The following COX6C variants were observed in gnomAD, a reference collection of about 807,000 sequenced individuals.
COX6C encodes the protein cytochrome c oxidase subunit 6C, also known as cytochrome c oxidase polypeptide VIc.
In COX6C, 3 loss-of-function variants were observed where a neutral mutation model predicts 6.9. That is an observed-to-expected ratio of 0.43 (90% CI 0.20 to 1.12). The LOEUF (loss-of-function observed/expected upper bound fraction) is 1.12, where lower values mean the gene tolerates loss of function less well. Ranked by LOEUF, COX6C falls within the 50% of genes most tolerant of loss-of-function variation. The probability of loss-of-function intolerance (pLI) is 0.27; values close to 1 mark genes in which losing one functional copy is unlikely to be tolerated. For synonymous variants in COX6C, 32 were observed against 32.0 expected, an observed-to-expected ratio of 1.00 and a Z score of 0.00; for missense variants, 101 against 97.3, an observed-to-expected ratio of 1.04 and a Z score of -0.16.
chr8:99,878,412 T>C (rs558598084), intron 3 of COX6C, 147 bp from the exon 4 acceptor site: 7 of 152,410 alleles, frequency 4.6e-5, no homozygotes, highest in Non-Finnish European at 1.0e-4. Flanking sequence ...CAGTTCAGGC[T>C]ACCTGGACTC....
intron 3 of COX6C, among the ~76,000 whole-genome samples, chr8:99,879,686 C>G (rs922737522): frequency 5.1e-4 from 77 of 152,282 alleles, no homozygotes; most frequent in African/African-American, 1.8e-3. Flanking sequence ...ATGCCCTCCT[C>G]AGTACAATAG....
chr8:99,892,732 G>C (rs904193254), intron 1 of COX6C, among the ~76,000 whole-genome samples: 1 of 150,330 alleles, frequency 6.7e-6, no homozygotes, highest in African/African-American at 2.5e-5. Flanking sequence ...GACAAACTGC[G>C]GCACACTAGT....
chr8:99,887,785 G>T (rs1160334377), intron 2 of COX6C, among the ~76,000 whole-genome samples, 167 bp from the exon 3 acceptor site: 2 of 152,102 alleles, frequency 1.3e-5, no homozygotes, highest in African/African-American at 4.8e-5. Context: ...GGAAGACAAA[G>T]TCTAAGAAAC....
chr8:99,888,116 A>T (rs1038062984), intron 2 of COX6C, among the ~76,000 whole-genome samples: 11 of 150,634 alleles, frequency 7.3e-5, no homozygotes, highest in Admixed American at 2.0e-4. Context: ...AAAAAAAAAT[A>T]AAAAATAAAA....
chr8:99,886,069 AC>A (rs1817938793), intron 3 of COX6C: 4 of 152,254 alleles, frequency 2.6e-5, no homozygotes, highest in Admixed American at 2.6e-4. Flanking sequence ...ACCACCTCAT[AC>A]CTATTAGGAT....
chr8:99,884,084 C>A (rs901965403), intron 3 of COX6C, among the ~76,000 whole-genome samples: 2 of 152,112 alleles, frequency 1.3e-5, no homozygotes, highest in African/African-American at 2.4e-5. Flanking sequence ...TAGAACCAGA[C>A]AAGGATGCCC....
At chr8:99,888,442 G>C (rs974000817) in intron 2 of COX6C, among the ~76,000 whole-genome samples, 4 of 151,790 alleles carry the variant, frequency 2.6e-5, no homozygotes, top group African/African-American at 9.7e-5. Context: ...ATGGTGGTGG[G>C]CACCTGTAAT....
At chr8:99,887,387 T>C in intron 3 of COX6C, 103 bp downstream of exon 3, 1 of 588,852 alleles carries the variant, frequency 1.7e-6, no homozygotes, top group East Asian at 3.2e-5. Context: ...CATCGTAAAG[T>C]CAAAAAATCT....
rs1489948999 is a variant in COX6C at position 99,892,120 on chromosome 8, CTG to C, written c.-31-70_-31-69del. On this transcript the variant is annotated intron_variant, in intron 1 of 3. Coordinates refer to ENST00000520468, the MANE Select transcript of COX6C (RefSeq NM_004374.4). ...AAGCCACAAACTTGAGAATGGCCAC[CTG>C]GAAGCATTGATTGGAGCTGCCCTGA... 3 of 824,312 alleles carry C rather than the reference CTG, an allele frequency of 3.6e-6. No individual in the cohort carries two copies. In the African/African-American group the frequency reaches 5.2e-5, roughly 14 times the overall value. 51.1% of individuals were successfully genotyped at this position (824,312 alleles called of 1,614,324 possible).
chr8:99,887,720 C>A, intron 2 of COX6C, 102 bp from the exon 3 acceptor site: 1 of 720,432 alleles, frequency 1.4e-6, no homozygotes, highest in Non-Finnish European at 2.1e-6. Context: ...TTTTTGTTCA[C>A]CCTTTAATTT....
rs1037120697 is a variant in COX6C, at chr8:99,892,182, T to C, written c.-31-130A>G. 1.0e-5 allele frequency: 6 copies of C among 590,522 alleles called. No individual in the cohort carries two copies. The African/African-American group carries it at 1.1e-4, about 11-fold the overall frequency. 36.6% of individuals were successfully genotyped at this position (590,522 alleles called of 1,614,324 possible). A position where few individuals can be genotyped will look rare whatever the true frequency, so the allele number is the denominator to read the frequency against. On this transcript the variant is annotated intron_variant, in intron 1 of 3. Transcript: ENST00000520468. ...CCGATTAGCAGCAGTTACAAATGAA[T>C]GTTTTTCTTTTTTGGCAGAAACAGG...
At chr8:99,884,653 A>G (rs1460291737) in intron 3 of COX6C, among the ~76,000 whole-genome samples, 2 of 152,214 alleles carry the variant, frequency 1.3e-5, no homozygotes, top group African/African-American at 4.8e-5. Context: ...GTCTCCTTTT[A>G]TCCAAGGTGA....
chr8:99,892,576 C>A lies in COX6C; in HGVS notation c.-31-524G>T, dbSNP rs1323352410. 2.0e-5 allele frequency among the ~76,000 whole-genome samples: 3 copies of A among 152,200 alleles called. No individual in the cohort carries two copies. In the East Asian group the frequency reaches 5.8e-4, roughly 29 times the overall value. On this transcript the variant is annotated intron_variant, in intron 1 of 3. Transcript: ENST00000520468. ...CTCAGAAAAGATATCAAAAGGAATT[C>A]TCATGCATAGTACATTTTACTACCT...
intron 3 of COX6C, among the ~76,000 whole-genome samples, chr8:99,882,669 G>A (rs1817881748): frequency 6.6e-6 from 1 of 152,086 alleles, no homozygotes; most frequent in African/African-American, 2.4e-5. Context: ...TAAAAAAAGA[G>A]AACCACCAAC....
At chr8:99,893,407 A>T (rs1034453366) in intron 1 of COX6C, 11 of 152,246 alleles carry the variant, frequency 7.2e-5, no homozygotes, top group African/African-American at 2.4e-4. Flanking sequence ...AGGGTCCCGC[A>T]GCCCACCCGG....
At chr8:99,888,300 T>C (rs568929674) in intron 2 of COX6C, among the ~76,000 whole-genome samples, 37 of 152,054 alleles carry the variant, frequency 2.4e-4, no homozygotes, top group Middle Eastern at 3.4e-3. Flanking sequence ...AGGTCGGGCG[T>C]GGTGGCTCAT....
At chr8:99,888,234 T>TG (rs1193832012) in intron 2 of COX6C, among the ~76,000 whole-genome samples, 1 of 152,168 alleles carries the variant, frequency 6.6e-6, no homozygotes, top group Non-Finnish European at 1.5e-5. Context: ...CCAGTTTTAC[T>TG]GCTTCACTTC....
Position 99,882,940 on chromosome 8 carries a change from A to G in COX6C, c.*15+4550T>C, listed in dbSNP as rs558612333. ...GCTGGGACTGCAGGCGTGTGCCATC[A>G]CACCCACATTATTTTTTGTATTTTT... On this transcript the variant is annotated intron_variant, in intron 3 of 3. Coordinates refer to ENST00000520468, the MANE Select transcript of COX6C (RefSeq NM_004374.4). Among the ~76,000 whole-genome samples the G allele has an allele frequency of 1.1e-3, 163 of 152,202 alleles. 1 individual carries two copies. Among genetic ancestry groups the G allele is most frequent in the South Asian group, 2.1e-3 (10 of 4,818 alleles).
chr8:99,883,588 C>T (rs1218844892), intron 3 of COX6C, among the ~76,000 whole-genome samples: 1 of 151,860 alleles, frequency 6.6e-6, no homozygotes, highest in African/African-American at 2.4e-5. Flanking sequence ...AGGCATGAGC[C>T]ACCATGCCCA....
Sources: gnomAD v4.1 joint callset for allele counts (sites outside exome capture counted in the v4.1 genomes callset) on GRCh38, gnomAD v4.1.1 for gene constraint, MANE v1.5 for transcripts, NCBI Gene and HGNC (gene_info 2026-07-23, HGNC 2026-07-21) for gene names.